The following TTC28 variants were observed in gnomAD, a reference collection of about 807,000 sequenced individuals.
TTC28 encodes the protein tetratricopeptide repeat domain 28, also known as tetratricopeptide repeat protein 28.
In TTC28, 61 loss-of-function variants were observed where a neutral mutation model predicts 198.0. That is an observed-to-expected ratio of 0.31 (90% CI 0.25 to 0.38). The LOEUF is 0.38. Among genes scored for constraint, TTC28 ranks in the 10% least tolerant of loss-of-function variants. TTC28 has a pLI of 1.00. For missense variants in TTC28, 2,678 were observed against 3,164.0 expected (o/e 0.85, Z 3.69); for synonymous variants, 1,171 against 1,297.8 (o/e 0.90, Z 2.10).
chr22:28,272,956 T>G (rs1306807773), intron 5 of TTC28, among the ~76,000 whole-genome samples: 2 of 152,194 alleles, frequency 1.3e-5, no homozygotes, highest in African/African-American at 4.8e-5. Flanking sequence ...AATCAAGTTA[T>G]TGACCTTCGC....
intron 2 of TTC28, among the ~76,000 whole-genome samples, chr22:28,338,235 G>A (rs1339544469): frequency 6.6e-6 from 1 of 152,150 alleles, no homozygotes; most frequent in Non-Finnish European, 1.5e-5. Flanking sequence ...GGCTTCCTTT[G>A]TGGGTAACCC....
intron 6 of TTC28, among the ~76,000 whole-genome samples, chr22:28,127,975 T>C (rs1942958488): frequency 6.6e-6 from 1 of 151,766 alleles, no homozygotes; most frequent in African/African-American, 2.4e-5. Context: ...GTGATCCTCC[T>C]GCCTCAGGCT....
intron 6 of TTC28, among the ~76,000 whole-genome samples, chr22:28,137,025 T>C (rs994980645): frequency 1.2e-4 from 19 of 152,202 alleles, no homozygotes; most frequent in Non-Finnish European, 2.4e-4. Flanking sequence ...TTAAGGGGCA[T>C]GGAAAGACAC....
intron 2 of TTC28, among the ~76,000 whole-genome samples, chr22:28,470,627 T>C (rs902600969): frequency 6.6e-6 from 1 of 152,230 alleles, no homozygotes; most frequent in African/African-American, 2.4e-5. Flanking sequence ...AATTCTCTAA[T>C]ATAACTGCAT....
intron 2 of TTC28, among the ~76,000 whole-genome samples, chr22:28,575,571 T>C (rs897143354): frequency 6.6e-6 from 1 of 152,198 alleles, no homozygotes; most frequent in Non-Finnish European, 1.5e-5. Context: ...TCGAAAGAGA[T>C]TGCACTGAAT....
At chr22:28,252,121 G>T (rs929141899) in intron 5 of TTC28, among the ~76,000 whole-genome samples, 2 of 152,240 alleles carry the variant, frequency 1.3e-5, no homozygotes, top group African/African-American at 2.4e-5. Context: ...GGCCAATATG[G>T]AATAATTTCT....
intron 2 of TTC28, among the ~76,000 whole-genome samples, chr22:28,587,023 A>G (rs1327089627): frequency 1.3e-5 from 2 of 152,154 alleles, no homozygotes; most frequent in Non-Finnish European, 2.9e-5. Context: ...GGAGTTCAAG[A>G]CCAGCCTGGC....
intron 16 of TTC28, 148 bp downstream of exon 16, chr22:27,998,392 C>T: frequency 7.6e-7 from 1 of 1,316,866 alleles, no homozygotes; most frequent in South Asian, 1.5e-5. Flanking sequence ...AGAAGCAAGA[C>T]TCAGCACACA....
chr22:28,070,976 G>A (rs1248743614), intron 12 of TTC28, among the ~76,000 whole-genome samples: 2 of 152,186 alleles, frequency 1.3e-5, no homozygotes, highest in Admixed American at 1.3e-4. Flanking sequence ...TGAGACAGGA[G>A]GTGAGGGAGC....
intron 5 of TTC28, among the ~76,000 whole-genome samples, chr22:28,187,824 A>G (rs1924343052): frequency 1.3e-5 from 2 of 152,214 alleles, no homozygotes; most frequent in South Asian, 4.1e-4. Flanking sequence ...CTGCATAACA[A>G]TGCCCACTGG....
In TTC28 at chr22:28,389,450, C is replaced by T. The variant is rs1458499093; in HGVS notation, c.382-82807G>A. Among the ~76,000 whole-genome samples, 6 of 150,630 alleles carry T rather than the reference C, an allele frequency of 4.0e-5. No homozygotes were observed. The East Asian group carries it at 1.2e-3, about 30-fold the overall frequency. ...TCCTCCTTGTACCTCTGGTAGAATT[C>T]GGCAGTGAATCCATCTGGTCCTGGA... On this transcript the variant is annotated intron_variant, in intron 2 of 22. Transcript: ENST00000397906.
At chr22:28,567,180 A>G (rs1041623411) in intron 2 of TTC28, among the ~76,000 whole-genome samples, 1 of 145,330 alleles carries the variant, frequency 6.9e-6, no homozygotes, top group Non-Finnish European at 1.5e-5. Flanking sequence ...GTGCCATTGC[A>G]CTCTGGCTTG....
At chr22:28,371,870 GCACCCAGCCCCAAAA>G (rs2046342793) in intron 2 of TTC28, among the ~76,000 whole-genome samples, 1 of 89,980 alleles carries the variant, frequency 1.1e-5, no homozygotes, top group African/African-American at 4.4e-5. Flanking sequence ...GTGAGCCACT[GCACCCAGCCCCAAAA>G]AAAAAAAAAA....
chr22:28,043,242 C>CAAAAAAAAAAAAAAAAAACAAAAAAAAAA (rs1939729958), intron 12 of TTC28, among the ~76,000 whole-genome samples: 1 of 65,578 alleles, frequency 1.5e-5, no homozygotes, highest in Non-Finnish European at 2.8e-5. Context: ...GACTCCATCT[C>CAAAAAAAAAAAAAAAAAACAAAAAAAAAA]AAAAAAAAAA....
chr22:28,199,530 CATATATAT>C (rs10689151), intron 5 of TTC28, among the ~76,000 whole-genome samples: 1 of 138,960 alleles, frequency 7.2e-6, no homozygotes, highest in African/African-American at 2.7e-5. Context: ...AATACCTATA[CATATATAT>C]ATATATATAT....
chr22:28,029,061 G>C (rs763924735), intron 13 of TTC28: 1 of 471,220 alleles, frequency 2.1e-6, no homozygotes, highest in South Asian at 1.5e-5. Flanking sequence ...GAAGTTGGCA[G>C]AGCAAGAACA....
intron 1 of TTC28, among the ~76,000 whole-genome samples, chr22:28,678,806 G>A (rs1397423858): frequency 1.3e-5 from 2 of 152,118 alleles, no homozygotes; most frequent in Non-Finnish European, 2.9e-5. Context: ...ACACAAAACC[G>A]GCTCCTGCTT....
chr22:28,424,879 A>G (rs2047323706), intron 2 of TTC28, among the ~76,000 whole-genome samples: 1 of 152,200 alleles, frequency 6.6e-6, no homozygotes, highest in Non-Finnish European at 1.5e-5. Flanking sequence ...TTCATTGTTT[A>G]GGCATTGTAG....
At chr22:28,489,843 A>G (rs547667518) in intron 2 of TTC28, among the ~76,000 whole-genome samples, 6 of 152,328 alleles carry the variant, frequency 3.9e-5, no homozygotes, top group African/African-American at 1.2e-4. Flanking sequence ...CTAGAGGGAC[A>G]GCACTAATAG....
Sources: allele counts gnomAD v4.1 joint callset (sites outside exome capture counted in the v4.1 genomes callset), GRCh38; gene constraint gnomAD v4.1.1; transcripts MANE v1.5; gene names NCBI Gene and HGNC (gene_info 2026-07-23, HGNC 2026-07-21).